The following HEG1 variants were observed in gnomAD, a reference collection of about 807,000 sequenced individuals.
HEG1 encodes the protein heart development protein with EGF like domains 1.
HEG1 carries 56 observed loss-of-function variants against 125.6 expected under a neutral mutation model. The ratio of observed to expected loss-of-function variants is 0.45; its 90% confidence interval spans 0.36 to 0.56. The LOEUF (loss-of-function observed/expected upper bound fraction) is 0.56, where lower values mean the gene tolerates loss of function less well. HEG1 is among the 20% of genes least tolerant of loss of function. The probability of loss-of-function intolerance (pLI) is 0.00; values close to 1 mark genes in which losing one functional copy is unlikely to be tolerated. For missense variants in HEG1, 1,523 were observed against 1,670.0 expected (o/e 0.91, Z 1.53); for synonymous variants, 644 against 668.5 (o/e 0.96, Z 0.57).
At position 124,990,940 on chromosome 3, in the gene HEG1, C is replaced by T. The variant is rs1196356708; in HGVS notation, c.3695+4G>A. 6.4e-7 allele frequency: 1 copy of T among 1,558,074 alleles called. No individual in the cohort carries two copies. The highest frequency in any genetic ancestry group is 1.2e-5 in the South Asian group (1 of 84,610). ...AAATTAGACTAAATCAACATGGAGCCTACCTCATGCAGGTTTCATTTTCAA... is the reference window on the plus strand; with the variant it reads ...AAATTAGACTAAATCAACATGGAGCTTACCTCATGCAGGTTTCATTTTCAA... On this transcript the variant is annotated splice_donor_region_variant and intron_variant, in intron 13 of 16. Coordinates refer to ENST00000311127, the MANE Select transcript of HEG1 (RefSeq NM_020733.2).
intron 16 of HEG1, among the ~76,000 whole-genome samples, chr3:124,971,371 G>C (rs1224035319): frequency 6.6e-6 from 1 of 152,112 alleles, no homozygotes; most frequent in Non-Finnish European, 1.5e-5. Flanking sequence ...TCTACAGACT[G>C]CTCAGCCAGC....
chr3:124,990,330 T>C (rs1936811447), intron 14 of HEG1, among the ~76,000 whole-genome samples: 1 of 146,074 alleles, frequency 6.8e-6, no homozygotes, highest in South Asian at 2.3e-4. Flanking sequence ...TTTTTTGTTG[T>C]TGTTTTTTGG....
chr3:124,980,624 C>A (rs1936631719), intron 14 of HEG1, among the ~76,000 whole-genome samples: 1 of 152,058 alleles, frequency 6.6e-6, no homozygotes, highest in Non-Finnish European at 1.5e-5. Flanking sequence ...TCAAGCGATT[C>A]TCATGCCTCA....
intron 5 of HEG1, among the ~76,000 whole-genome samples, chr3:125,016,007 G>A (rs1937241244): frequency 6.6e-6 from 1 of 152,192 alleles, no homozygotes; most frequent in Admixed American, 6.5e-5. Flanking sequence ...GCCAGACAGA[G>A]ATGCGACTCA....
At chr3:125,053,137 C>T (rs1325573276) in intron 1 of HEG1, among the ~76,000 whole-genome samples, 3 of 152,134 alleles carry the variant, frequency 2.0e-5, no homozygotes, top group Admixed American at 6.5e-5. Flanking sequence ...GAGGGAGAGC[C>T]GGGATGACCA....
At chr3:125,023,709 G>T (rs1197643751) in intron 3 of HEG1, among the ~76,000 whole-genome samples, 1 of 152,166 alleles carries the variant, frequency 6.6e-6, no homozygotes, top group Non-Finnish European at 1.5e-5. Context: ...TGGATTCTTG[G>T]TTATTTAATA....
At chr3:125,024,587 A>G (rs1271402317) in intron 3 of HEG1, among the ~76,000 whole-genome samples, 1 of 152,262 alleles carries the variant, frequency 6.6e-6, no homozygotes, top group Non-Finnish European at 1.5e-5. Context: ...AACAATTTCC[A>G]ATGGTTTCTG....
At chr3:124,974,675 G>A (rs1052554578) in intron 15 of HEG1, among the ~76,000 whole-genome samples, 7 of 152,152 alleles carry the variant, frequency 4.6e-5, no homozygotes, top group East Asian at 1.9e-4. Context: ...CTATCTAACC[G>A]GTCCAGGATC....
intron 12 of HEG1, among the ~76,000 whole-genome samples, chr3:124,993,141 G>A (rs905625603): frequency 6.6e-6 from 1 of 152,102 alleles, no homozygotes; most frequent in Non-Finnish European, 1.5e-5. Context: ...TTTTGCCTCA[G>A]TGTCCGGGAA....
At chr3:124,988,656 C>T (rs1205451883) in intron 14 of HEG1, among the ~76,000 whole-genome samples, 1 of 152,164 alleles carries the variant, frequency 6.6e-6, no homozygotes, top group Non-Finnish European at 1.5e-5. Flanking sequence ...CGGTGGCTCA[C>T]GCCTGGAATC....
chr3:125,039,461 C>G (rs1169844494), intron 1 of HEG1, among the ~76,000 whole-genome samples: 1 of 152,080 alleles, frequency 6.6e-6, no homozygotes, highest in Non-Finnish European at 1.5e-5. Context: ...GTCCACCCCA[C>G]CCCCACACCT....
At chr3:125,037,891 C>T (rs558608605) in intron 1 of HEG1, among the ~76,000 whole-genome samples, 2 of 152,288 alleles carry the variant, frequency 1.3e-5, no homozygotes, top group African/African-American at 4.8e-5. Flanking sequence ...TGCTTCATGC[C>T]CCAGCTTGCC....
In HEG1 at chr3:124,973,814, G is replaced by T. The variant is rs1936487774; in HGVS notation, c.3913C>A (p.Gln1305Lys). 1.2e-6 allele frequency: 2 copies of T among 1,613,792 alleles called. No homozygotes were observed. The highest frequency in any genetic ancestry group is 1.7e-6 in the Non-Finnish European group (2 of 1,179,754). ...TCAATAGCTTCTCGGCCCCATTCTTGTGAGCGAGGATTTTTGGGGTATTCA... is the reference window on the plus strand; with the variant it reads ...TCAATAGCTTCTCGGCCCCATTCTTTTGAGCGAGGATTTTTGGGGTATTCA... ...YAEYPKNPRS[Q>K]EWGREAIEMH... The change falls in exon 16 of 17, where the codon CAA (glutamine) becomes AAA (lysine). Residue 1305 changes from glutamine (Q) to lysine (K), a missense_variant. Coordinates refer to ENST00000311127, the MANE Select transcript of HEG1 (RefSeq NM_020733.2).
intron 5 of HEG1, 26 bp downstream of exon 5, chr3:125,019,236 C>T (rs771420208): frequency 1.5e-5 from 23 of 1,570,618 alleles, no homozygotes; most frequent in Non-Finnish European, 2.0e-5. Flanking sequence ...CTATGGGGCA[C>T]AGTTGCATGA....
Position 124,990,818 on chromosome 3 carries a change from T to A in HEG1, c.3702A>T (p.Pro1234=). The part of the protein sequence containing the change: ...RLENETCMSC[P]FGLGGLNCGN... ...CACAGTTGAGACCACCAAGGCCAAA[T>A]GGGCAACTGCAAGCCAAGAAAGAAA... Residue 1234 remains proline (P), a synonymous_variant, in exon 14 of 17, where the codon CCA becomes CCT. Transcript: ENST00000311127. The A allele has an allele frequency of 6.4e-7, 1 of 1,564,166 alleles. No individual in the cohort carries two copies.
chr3:125,041,192 A>G (rs1453985429), intron 1 of HEG1, among the ~76,000 whole-genome samples: 1 of 152,214 alleles, frequency 6.6e-6, no homozygotes, highest in Non-Finnish European at 1.5e-5. Context: ...TCTACTGACT[A>G]GCATCCATAC....
At position 124,990,837 on chromosome 3, in the gene HEG1, A is replaced by G. The variant is rs763374638; in HGVS notation, c.3696-13T>C. On this transcript the variant is annotated splice_polypyrimidine_tract_variant and intron_variant, in intron 13 of 16. Coordinates refer to ENST00000311127, the MANE Select transcript of HEG1 (RefSeq NM_020733.2). ...GCCAAATGGGCAACTGCAAGCCAAG[A>G]AAGAAAAAAGGGCAAGAATTAGTTT... The G allele has an allele frequency of 7.7e-6, 12 of 1,561,684 alleles. No homozygotes were observed. The highest frequency in any genetic ancestry group is 1.0e-5 in the Non-Finnish European group (12 of 1,152,062).
intron 5 of HEG1, among the ~76,000 whole-genome samples, chr3:125,017,946 G>A (rs111838428): frequency 0.011 from 1,623 of 151,904 alleles, 21 homozygotes; most frequent in African/African-American, 0.035. Flanking sequence ...GGAGAATGGC[G>A]TGAACCCGGA....
In HEG1 at chr3:125,013,464, G is replaced by A. The variant is rs937883758; in HGVS notation, c.2115C>T (p.Thr705=). Residue 705 remains threonine (T), a synonymous_variant, in exon 6 of 17, where the codon ACC becomes ACT. Coordinates refer to ENST00000311127, the MANE Select transcript of HEG1 (RefSeq NM_020733.2). ...AAGACCATGGTGTGGATGCATCAGAGGTAGACTTTAGTAGATGCACAGAGG... is the reference window on the plus strand; with the variant it reads ...AAGACCATGGTGTGGATGCATCAGAAGTAGACTTTAGTAGATGCACAGAGG... ...TRASVHLLKS[T]SDASTPWSSS... 2 of 1,613,764 alleles carry A rather than the reference G, an allele frequency of 1.2e-6. No individual in the cohort carries two copies. Among genetic ancestry groups the A allele is most frequent in the Non-Finnish European group, 1.7e-6 (2 of 1,179,870 alleles).
Sources: allele counts gnomAD v4.1 joint callset (sites outside exome capture counted in the v4.1 genomes callset), GRCh38; gene constraint gnomAD v4.1.1; transcripts MANE v1.5; gene names NCBI Gene and HGNC (gene_info 2026-07-23, HGNC 2026-07-21).